SULF2: variants seen among roughly 807,000 people sequenced by gnomAD.
The protein encoded by SULF2 is sulfatase 2, also known as extracellular sulfatase Sulf-2.
SULF2 carries 52 observed loss-of-function variants against 107.7 expected under a neutral mutation model. That is an observed-to-expected ratio of 0.48 (90% CI 0.39 to 0.61). The LOEUF (loss-of-function observed/expected upper bound fraction) is 0.61. Ranked by LOEUF, SULF2 falls within the 20% of genes least tolerant of loss-of-function variation. The pLI is 0.00. For synonymous variants in SULF2, 460 were observed against 464.3 expected, an observed-to-expected ratio of 0.99 and a Z score of 0.12; for missense variants, 993 against 1,177.3, an observed-to-expected ratio of 0.84 and a Z score of 2.29.
rs150135754 is a variant in SULF2, at chr20:47,665,866, G to A, written c.1893C>T (p.Ile631=). Residue 631 remains isoleucine, a synonymous_variant, in exon 13 of 21, where the codon ATC becomes ATT. Coordinates refer to ENST00000688720, the MANE Select transcript of SULF2 (RefSeq NM_001387048.1). The part of the protein sequence containing the change: ...LQAWKDHKLH[I]DHEIETLQNK... The stretch of plus-strand genomic sequence containing the variant: ...CCCGCTCTCCACTCACCTCGTGGTC[G>A]ATGTGCAGCTTGTGGTCTTTCCAGG... 126 of 1,613,744 alleles carry A rather than the reference G, an allele frequency of 7.8e-5. 1 individual carries two copies. The African/African-American group carries it at 1.1e-3, about 14-fold the overall frequency.
At position 47,680,491 on chromosome 20, in the gene SULF2, A is replaced by G. The variant is rs2087788121; in HGVS notation, c.1065-1687T>C. ...GGACCCAGGACCTGTTGAATGGTGG[A>G]CAGTCCCGTCAGAGCATCTGAGTGC... On this transcript the variant is annotated intron_variant, in intron 7 of 20. Coordinates refer to ENST00000688720, the MANE Select transcript of SULF2 (RefSeq NM_001387048.1). This position sits in a 1 kb window ranked among gnomAD's most constrained non-coding sequence, Gnocchi z 4.2. 6.6e-6 allele frequency among the ~76,000 whole-genome samples: 1 copy of G among 152,214 alleles called. No individual in the cohort carries two copies. Among genetic ancestry groups the G allele is most frequent in the African/African-American group, 2.4e-5 (1 of 41,456 alleles).
chr20:47,670,279 C>T (rs1017421265), intron 11 of SULF2, among the ~76,000 whole-genome samples: 5 of 152,024 alleles, frequency 3.3e-5, no homozygotes, highest in African/African-American at 7.2e-5. Context: ...TGCAACCTCC[C>T]GCTCCCAGGT....
At chr20:47,765,349 C>T in intron 1 of SULF2, among the ~76,000 whole-genome samples, 1 of 124,802 alleles carries the variant, frequency 8.0e-6, no homozygotes, top group East Asian at 2.4e-4. Flanking sequence ...GCGACACTGC[C>T]TTAAAAAAAA....
rs2090311936 is a variant in SULF2, at chr20:47,757,171, T to C, written c.175+18A>G. On this transcript the variant is annotated intron_variant, in intron 2 of 20. Coordinates refer to ENST00000688720, the MANE Select transcript of SULF2 (RefSeq NM_001387048.1). Reference sequence around the variant, plus strand: ...GCTCCGAGGGGCCGAGGTGCCACCCTGGGGCCCCGAGGCTTACCCAGCTCC... The same window carrying C: ...GCTCCGAGGGGCCGAGGTGCCACCCCGGGGCCCCGAGGCTTACCCAGCTCC... 3 of 1,540,662 alleles carry C rather than the reference T, an allele frequency of 1.9e-6. No homozygotes were observed. Among genetic ancestry groups the C allele is most frequent in the East Asian group, 2.5e-5 (1 of 40,742 alleles).
In SULF2 at chr20:47,757,253, C is replaced by T; in HGVS notation, c.111G>A (p.Arg37=). ...TGTTGGGGCGGATGTTCCTGCGGTC[C>T]CTCTGAAACCTGCCTTTCAGGCGGT... ...SHHRLKGRFQ[R]DRRNIRPNII... Residue 37 remains arginine, a synonymous_variant, in exon 2 of 21, where the codon AGG becomes AGA. Transcript: ENST00000688720. The T allele has an allele frequency of 6.4e-7, 1 of 1,574,118 alleles. No individual in the cohort carries two copies. The highest frequency in any genetic ancestry group is 1.2e-5 in the South Asian group (1 of 85,922).
chr20:47,689,993 T>C, intron 5 of SULF2, 133 bp downstream of exon 5: 1 of 891,300 alleles, frequency 1.1e-6, no homozygotes, highest in Middle Eastern at 3.2e-4. Context: ...CAGTATGTTC[T>C]TGGGGTCTTT....
At chr20:47,658,974 T>C (rs113327001) in intron 20 of SULF2, among the ~76,000 whole-genome samples, 1 of 152,216 alleles carries the variant, frequency 6.6e-6, no homozygotes, top group Admixed American at 6.5e-5. Flanking sequence ...GCCAGTCTCT[T>C]AGTCCCTGTC....
chr20:47,672,796 A>G (rs2087521383), intron 10 of SULF2, among the ~76,000 whole-genome samples: 1 of 152,126 alleles, frequency 6.6e-6, no homozygotes, highest in South Asian at 2.1e-4. Flanking sequence ...ATCCTCTGCA[A>G]TCTGGCCCTG....
At chr20:47,675,672 C>T (rs1157584305) in intron 10 of SULF2, among the ~76,000 whole-genome samples, 1 of 152,060 alleles carries the variant, frequency 6.6e-6, no homozygotes, top group Non-Finnish European at 1.5e-5. Context: ...CTTTGACAGG[C>T]AGGGCAGGGA....
chr20:47,730,595 C>T (rs1453057028), intron 3 of SULF2, among the ~76,000 whole-genome samples: 1 of 151,990 alleles, frequency 6.6e-6, no homozygotes, highest in East Asian at 1.9e-4. Context: ...GGATTACAGG[C>T]GCCCACCACC....
At chr20:47,686,224 G>A (rs1022652386) in intron 5 of SULF2, 1 of 152,222 alleles carries the variant, frequency 6.6e-6, no homozygotes, top group Non-Finnish European at 1.5e-5. Flanking sequence ...GTGAGACAGC[G>A]GGCAGGTCCC....
At chr20:47,708,053 A>G (rs2088806765) in intron 3 of SULF2, among the ~76,000 whole-genome samples, 1 of 152,188 alleles carries the variant, frequency 6.6e-6, no homozygotes, top group African/African-American at 2.4e-5. Context: ...CCATTCGGCA[A>G]GTGTTGATTA....
At chr20:47,746,994 AATAT>A (rs57147246) in intron 2 of SULF2, among the ~76,000 whole-genome samples, 21 of 131,910 alleles carry the variant, frequency 1.6e-4, no homozygotes, top group Non-Finnish European at 2.9e-4. Flanking sequence ...AAAAAAAAAA[AATAT>A]ATATATATAT....
At chr20:47,748,537 T>A (rs958447465) in intron 2 of SULF2, among the ~76,000 whole-genome samples, 21 of 152,220 alleles carry the variant, frequency 1.4e-4, no homozygotes, top group African/African-American at 5.1e-4. Flanking sequence ...GATTCCCTTA[T>A]GGCCAAAGAT....
At chr20:47,677,188 C>G (rs1429616788) in intron 8 of SULF2, 54 bp from the exon 9 acceptor site, 3 of 1,599,788 alleles carry the variant, frequency 1.9e-6, no homozygotes, top group East Asian at 4.5e-5. Context: ...TCCCACGACC[C>G]CCCGTTCCCC....
intron 3 of SULF2, among the ~76,000 whole-genome samples, chr20:47,728,013 C>T (rs2089491105): frequency 6.6e-6 from 1 of 152,170 alleles, no homozygotes; most frequent in Non-Finnish European, 1.5e-5. Flanking sequence ...AGGGGCTGTG[C>T]AATTCCCGTG....
intron 2 of SULF2, among the ~76,000 whole-genome samples, chr20:47,739,739 C>T (rs1014145719): frequency 6.6e-6 from 1 of 152,216 alleles, no homozygotes; most frequent in African/African-American, 2.4e-5. Flanking sequence ...TGTTCACTGC[C>T]TAGCACAGTG....
At chr20:47,783,625 C>T (rs1261260108) in intron 1 of SULF2, among the ~76,000 whole-genome samples, 1 of 152,132 alleles carries the variant, frequency 6.6e-6, no homozygotes, top group African/African-American at 2.4e-5. Context: ...CAGAAAAAGC[C>T]ATAAATTCAA....
In SULF2 at chr20:47,722,197, C is replaced by T. The variant is rs114328225; in HGVS notation, c.415+14506G>A. Reference sequence around the variant, plus strand: ...CATGCTGGATAAATGAGATAGTAATCTAAATTCCATTTTGTTTTTATTTTT... The same window carrying T: ...CATGCTGGATAAATGAGATAGTAATTTAAATTCCATTTTGTTTTTATTTTT... On this transcript the variant is annotated intron_variant, in intron 3 of 20. Coordinates refer to ENST00000688720, the MANE Select transcript of SULF2 (RefSeq NM_001387048.1). Among the ~76,000 whole-genome samples, 1,275 of 152,340 alleles carry T rather than the reference C, an allele frequency of 8.4e-3. 24 individuals are homozygous for T. Among genetic ancestry groups the T allele is most frequent in the African/African-American group, 0.029 (1,225 of 41,580 alleles).
Sources: gnomAD v4.1 joint callset for allele counts (sites outside exome capture counted in the v4.1 genomes callset) on GRCh38, gnomAD v4.1.1 for gene constraint, Gnocchi (gnomAD v3.1) non-coding constraint, MANE v1.5 for transcripts, NCBI Gene and HGNC (gene_info 2026-07-23, HGNC 2026-07-21) for gene names.